CDKAL1: variants seen among roughly 807,000 people sequenced by gnomAD.
CDKAL1 encodes the protein threonylcarbamoyladenosine tRNA methylthiotransferase.
CDKAL1 carries 32 observed loss-of-function variants against 68.2 expected under a neutral mutation model. The ratio of observed to expected loss-of-function variants is 0.47; its 90% CI spans 0.35 to 0.63. The LOEUF (loss-of-function observed/expected upper bound fraction) is 0.63. CDKAL1 is among the 30% of genes least tolerant of loss of function. The probability of loss-of-function intolerance (pLI) is 0.00; values close to 1 mark genes in which losing one functional copy is unlikely to be tolerated. For missense variants in CDKAL1, 606 were observed against 696.7 expected, an observed-to-expected ratio of 0.87 and a Z score of 1.47; for synonymous variants, 234 against 244.3, an observed-to-expected ratio of 0.96 and a Z score of 0.39.
intron 10 of CDKAL1, among the ~76,000 whole-genome samples, chr6:20,987,080 A>G (rs1402491231): frequency 1.3e-5 from 2 of 152,076 alleles, no homozygotes; most frequent in African/African-American, 4.8e-5. Context: ...TCTATAGTTG[A>G]TTGGTTTAAC....
At chr6:21,109,818 C>T (rs999395165) in intron 13 of CDKAL1, among the ~76,000 whole-genome samples, 1 of 152,088 alleles carries the variant, frequency 6.6e-6, no homozygotes, top group African/African-American at 2.4e-5. Context: ...TAACATTTAA[C>T]AACAACAACA....
At chr6:20,946,521 C>T (rs1016444852) in intron 9 of CDKAL1, among the ~76,000 whole-genome samples, 4 of 151,760 alleles carry the variant, frequency 2.6e-5, no homozygotes, top group African/African-American at 4.8e-5. Flanking sequence ...TGAGCCAATA[C>T]GGCTGGCCTT....
chr6:20,764,706 A>G (rs1434248666), intron 7 of CDKAL1, among the ~76,000 whole-genome samples: 1 of 152,202 alleles, frequency 6.6e-6, no homozygotes, highest in Admixed American at 6.5e-5. Flanking sequence ...TCCAAACTCA[A>G]TGAGTAAGTG....
chr6:21,029,948 A>G (rs1561974545), intron 11 of CDKAL1, among the ~76,000 whole-genome samples: 2 of 148,802 alleles, frequency 1.3e-5, no homozygotes, highest in African/African-American at 4.9e-5. Flanking sequence ...AGAATCTTGG[A>G]TCTTTGACCC....
intron 11 of CDKAL1, among the ~76,000 whole-genome samples, chr6:21,043,381 A>G (rs1214214684): frequency 1.3e-5 from 2 of 151,682 alleles, no homozygotes; most frequent in East Asian, 3.9e-4. Flanking sequence ...ATGATTCAGT[A>G]TGAGGGGGAT....
At chr6:21,021,660 C>G (rs973394753) in intron 11 of CDKAL1, among the ~76,000 whole-genome samples, 1 of 152,130 alleles carries the variant, frequency 6.6e-6, no homozygotes, top group Non-Finnish European at 1.5e-5. Flanking sequence ...ACTAATGTCT[C>G]TAAGAACGAT....
intron 8 of CDKAL1, among the ~76,000 whole-genome samples, chr6:20,783,582 A>G (rs1775527550): frequency 2.0e-5 from 3 of 152,044 alleles, no homozygotes; most frequent in African/African-American, 4.8e-5. Flanking sequence ...CGTTCACCTC[A>G]TGGGTGAGCC....
intron 4 of CDKAL1, among the ~76,000 whole-genome samples, chr6:20,575,035 A>G (rs759956446): frequency 1.3e-5 from 2 of 152,186 alleles, no homozygotes; most frequent in Admixed American, 6.5e-5. Flanking sequence ...TATAATAACT[A>G]AATAGGATTT....
chr6:20,641,404 AAGT>A lies in CDKAL1; in HGVS notation c.287-7884_287-7882del, dbSNP rs549122012. On this transcript the variant is annotated intron_variant, in intron 4 of 15. Transcript: ENST00000274695. ...AGGATTAAGCATTAAAAAATTATAA[AAGT>A]AGTATCCATGCAAGTTTAAAAAAAA... Among the ~76,000 whole-genome samples the A allele has an allele frequency of 2.1e-4, 32 of 152,310 alleles. No homozygotes were observed. In the South Asian group the frequency reaches 6.4e-3, roughly 31 times the overall value.
chr6:20,699,626 C>T (rs1287130966), intron 5 of CDKAL1, among the ~76,000 whole-genome samples: 2 of 152,016 alleles, frequency 1.3e-5, no homozygotes, highest in African/African-American at 2.4e-5. Context: ...ACCCTGTTTA[C>T]CCAGGGCTGC....
At chr6:20,789,946 TG>T (rs1213826861) in intron 8 of CDKAL1, among the ~76,000 whole-genome samples, 1 of 152,204 alleles carries the variant, frequency 6.6e-6, no homozygotes, top group Non-Finnish European at 1.5e-5. Flanking sequence ...AATGTTGATT[TG>T]TTTTTTTGTT....
chr6:21,043,168 T>C (rs1231272699), intron 11 of CDKAL1, among the ~76,000 whole-genome samples: 3 of 152,190 alleles, frequency 2.0e-5, no homozygotes, highest in Admixed American at 1.3e-4. Context: ...GTATAGCATC[T>C]TATTGTCTTT....
intron 9 of CDKAL1, among the ~76,000 whole-genome samples, chr6:20,880,963 C>CATCT (rs541638221): frequency 6.4e-4 from 97 of 152,334 alleles, no homozygotes; most frequent in Middle Eastern, 3.4e-3. Flanking sequence ...GTCATCCAGG[C>CATCT]ATCTTCCTTT....
intron 7 of CDKAL1, among the ~76,000 whole-genome samples, chr6:20,765,080 T>G (rs1297418010): frequency 6.6e-6 from 1 of 152,218 alleles, no homozygotes; most frequent in Non-Finnish European, 1.5e-5. Flanking sequence ...ATAGTAAAGT[T>G]AACTTTACTA....
intron 5 of CDKAL1, among the ~76,000 whole-genome samples, chr6:20,663,716 T>A (rs1013436183): frequency 1.3e-5 from 2 of 152,162 alleles, no homozygotes; most frequent in South Asian, 4.1e-4. Context: ...GATTCATTTC[T>A]GTGATATAAT....
intron 5 of CDKAL1, among the ~76,000 whole-genome samples, chr6:20,652,054 T>A (rs1162930248): frequency 6.6e-6 from 1 of 152,206 alleles, no homozygotes; most frequent in African/African-American, 2.4e-5. Flanking sequence ...ATCAGGATGA[T>A]GCTGGCCTCA....
chr6:20,536,125 A>C (rs6905138), intron 2 of CDKAL1, among the ~76,000 whole-genome samples: 1 of 145,380 alleles, frequency 6.9e-6, no homozygotes, highest in African/African-American at 2.5e-5. Context: ...TTTTGTAGCG[A>C]TAGGGTCCGT....
intron 11 of CDKAL1, among the ~76,000 whole-genome samples, chr6:21,032,566 C>A (rs183976591): frequency 2.6e-5 from 4 of 152,254 alleles, no homozygotes; most frequent in Admixed American, 2.6e-4. Context: ...AACAATATTT[C>A]AGTCAATGAC....
intron 13 of CDKAL1, among the ~76,000 whole-genome samples, chr6:21,145,263 T>C (rs1388905214): frequency 2.0e-5 from 3 of 152,228 alleles, no homozygotes; most frequent in Non-Finnish European, 2.9e-5. Context: ...AATGTTAAAT[T>C]ATGGTAATAA....
Sources: allele counts gnomAD v4.1 joint callset (sites outside exome capture counted in the v4.1 genomes callset), GRCh38; gene constraint gnomAD v4.1.1; transcripts MANE v1.5; gene names NCBI Gene and HGNC (gene_info 2026-07-23, HGNC 2026-07-21).